The following BEGAIN variants were observed in gnomAD, a reference collection of about 807,000 sequenced individuals.
The protein encoded by BEGAIN is brain enriched guanylate kinase associated.
A neutral mutation model predicts 35.8 loss-of-function variants in BEGAIN; 19 were observed. The observed-to-expected ratio is 0.53, with a 90% CI of 0.37 to 0.78. The LOEUF (loss-of-function observed/expected upper bound fraction) is 0.78. BEGAIN is among the 30% of genes least tolerant of loss of function. The pLI, the probability that BEGAIN is intolerant of heterozygous loss-of-function variation, is 0.00. For synonymous variants in BEGAIN, 462 were observed against 388.6 expected, an observed-to-expected ratio of 1.19 and a Z score of -2.22; for missense variants, 795 against 853.6, an observed-to-expected ratio of 0.93 and a Z score of 0.85.
intron 1 of BEGAIN, chr14:100,569,016 G>T: frequency 1.1e-6 from 1 of 900,964 alleles, no homozygotes; most frequent in Non-Finnish European, 1.3e-6. Flanking sequence ...CCGCCCCGCC[G>T]GGCGAGGGCG....
intron 2 of BEGAIN, among the ~76,000 whole-genome samples, chr14:100,561,702 A>G (rs2034271712): frequency 1.3e-5 from 2 of 150,292 alleles, no homozygotes; most frequent in African/African-American, 4.9e-5. Flanking sequence ...CCTGGCGGAC[A>G]GAGCAAGACT....
At chr14:100,560,130 G>A (rs1180920395) in intron 2 of BEGAIN, among the ~76,000 whole-genome samples, 2 of 152,208 alleles carry the variant, frequency 1.3e-5, no homozygotes, top group Non-Finnish European at 2.9e-5. Context: ...AGCAGTCTCT[G>A]CTCTGCCACA....
chr14:100,538,153 C>A lies in BEGAIN; in HGVS notation c.1655G>T (p.Ser552Ile), dbSNP rs772921659. The A allele has an allele frequency of 5.9e-6, 9 of 1,534,312 alleles. No individual in the cohort carries two copies. The highest frequency in any genetic ancestry group is 7.0e-6 in the Non-Finnish European group (8 of 1,144,086). ...RLGVQLCGTA[S>I]SPEPEQGSRD... ...GGAACCCTGCTCGGGCTCAGGGCTG[C>A]TGGCGGTCCCACACAGCTGCACCCC... The change falls in exon 7 of 7, where the codon AGC becomes ATC. Residue 552 changes from serine (S) to isoleucine (I), a missense_variant. Transcript: ENST00000554140.
intron 1 of BEGAIN, among the ~76,000 whole-genome samples, chr14:100,570,687 A>G (rs111904689): frequency 0.22 from 33,199 of 151,896 alleles, 4,613 homozygotes; most frequent in East Asian, 0.62. Flanking sequence ...GGCTAGGGAG[A>G]AGATAGCAGG....
chr14:100,581,229 G>A (rs940841158), intron 1 of BEGAIN, among the ~76,000 whole-genome samples: 1 of 152,208 alleles, frequency 6.6e-6, no homozygotes, highest in African/African-American at 2.4e-5. Flanking sequence ...CTCTGATGTG[G>A]CCGTTTCACT....
rs2034923445 is a variant in BEGAIN at position 100,568,602 on chromosome 14, C to G, written c.43-663G>C. On this transcript the variant is annotated intron_variant, in intron 1 of 6. Transcript: ENST00000554140. The surrounding 1 kb of genome is among the most constrained non-coding windows in gnomAD (Gnocchi z 7.5). ...GGCGGGGCTCCCTGCCTTGCTTGCG[C>G]AGACCCGCCCGCGCGCGGCTTGGAG... 3 of 1,059,752 alleles carry G rather than the reference C, an allele frequency of 2.8e-6. No individual in the cohort carries two copies. Among genetic ancestry groups the G allele is most frequent in the Admixed American group, 2.8e-5 (1 of 35,582 alleles). 65.6% of individuals were successfully genotyped at this position (1,059,752 alleles called of 1,614,324 possible). A position where few individuals can be genotyped will look rare whatever the true frequency, so the allele number is the denominator to read the frequency against.
rs1259336043 is a variant in BEGAIN at position 100,537,304 on chromosome 14, G to A, written c.*665C>T. 6.5e-6 allele frequency: 1 copy of A among 152,710 alleles called. No individual in the cohort carries two copies. Among genetic ancestry groups the A allele is most frequent in the Non-Finnish European group, 1.5e-5 (1 of 68,096 alleles). The allele number at this position is 152,710 out of a possible 1,614,324, so 9.5% of individuals were successfully genotyped here. A position where few individuals can be genotyped will look rare whatever the true frequency, so the allele number is the denominator to read the frequency against. ...AGACGGTGTCAGGGGGCGGACCCGGGGGCGGAGATGAGCACCGGCCGCACT... is the reference window on the plus strand; with the variant it reads ...AGACGGTGTCAGGGGGCGGACCCGGAGGCGGAGATGAGCACCGGCCGCACT... On this transcript the variant is annotated 3_prime_UTR_variant, in exon 7 of 7. Transcript: ENST00000554140.
At chr14:100,547,682 T>A (rs1263729264) in intron 2 of BEGAIN, 1 of 152,252 alleles carries the variant, frequency 6.6e-6, no homozygotes, top group Admixed American at 6.5e-5. Context: ...TCTTTTGGAT[T>A]GTGTTGCTGT....
At chr14:100,562,309 T>C (rs2139664456) in intron 2 of BEGAIN, among the ~76,000 whole-genome samples, 1 of 152,166 alleles carries the variant, frequency 6.6e-6, no homozygotes, top group South Asian at 2.1e-4. Context: ...ATGCAATTAG[T>C]TCCCCACCCT....
At chr14:100,543,121 T>C (rs1454707534) in intron 5 of BEGAIN, among the ~76,000 whole-genome samples, 1 of 152,162 alleles carries the variant, frequency 6.6e-6, no homozygotes, top group Non-Finnish European at 1.5e-5. Context: ...CTTCACTCCC[T>C]CAGGTCCTGG....
At position 100,537,796 on chromosome 14, in the gene BEGAIN, A is replaced by G; in HGVS notation, c.*173T>C. On this transcript the variant is annotated 3_prime_UTR_variant, in exon 7 of 7. Transcript: ENST00000554140. ...CCGGGTGGACACCGTGGTGTGGGGG[A>G]CCCTCCCCTCAGGCCTACAGGGCTG... 5.0e-6 allele frequency: 5 copies of G among 1,005,102 alleles called. No homozygotes were observed. The highest frequency in any genetic ancestry group is 6.8e-6 in the Non-Finnish European group (5 of 732,870). The allele number at this position is 1,005,102 out of a possible 1,614,324, so 62.3% of individuals were successfully genotyped here.
intron 2 of BEGAIN, among the ~76,000 whole-genome samples, chr14:100,551,789 G>A (rs1273502577): frequency 1.3e-5 from 2 of 152,116 alleles, no homozygotes; most frequent in African/African-American, 4.8e-5. Flanking sequence ...CACTGGCCAC[G>A]AGTCGCACAT....
At position 100,546,593 on chromosome 14, in the gene BEGAIN, G is replaced by A. The variant is rs748064094; in HGVS notation, c.141C>T (p.Leu47=). 1.3e-6 allele frequency: 2 copies of A among 1,592,390 alleles called. No homozygotes were observed. The highest frequency in any genetic ancestry group is 2.3e-5 in the South Asian group (2 of 88,882). The stretch of plus-strand genomic sequence containing the variant: ...GGCGCGTGGAGTCGAACTCGGTCTC[G>A]AGCTTCTCGAGCTTGTGTGTGGTGT... ...LSYTTHKLEK[L]ETEFDSTRHY... The change falls in exon 3 of 7, where the codon CTC becomes CTT. Residue 47 remains leucine (L), a synonymous_variant. Coordinates refer to ENST00000554140, the MANE Select transcript of BEGAIN (RefSeq NM_001385089.1).
rs538519096 is a variant in BEGAIN, at chr14:100,539,236, G to A, written c.572C>T (p.Pro191Leu). Residue 191 changes from proline (P) to leucine (L), a missense_variant, in exon 7 of 7, where the codon CCG becomes CTG. By Grantham distance (98) the Pro-to-Leu change is moderately conservative. This residue lies in a region of BEGAIN where 664 missense variants were observed against 647.7 expected (regional missense o/e 1.03). Transcript: ENST00000554140. ...GGTGGGGACGCTGTCGGCGTAGGCC[G>A]GGTGGCAGAGCGGGGATGGCAGGCT... ...GCSLPSPLCH[P>L]AYADSVPTCV... is the part of the protein sequence containing the mutation. The A allele has an allele frequency of 2.5e-6, 4 of 1,589,024 alleles. No individual in the cohort carries two copies. Among genetic ancestry groups the A allele is most frequent in the South Asian group, 1.2e-5 (1 of 86,918 alleles).
intron 1 of BEGAIN, among the ~76,000 whole-genome samples, chr14:100,579,480 CT>C (rs1289307474): frequency 6.6e-6 from 1 of 152,222 alleles, no homozygotes; most frequent in Non-Finnish European, 1.5e-5. Context: ...CGGCTTTAGG[CT>C]GCTAGACTGA....
At chr14:100,570,436 C>A (rs983729669) in intron 1 of BEGAIN, among the ~76,000 whole-genome samples, 1 of 152,208 alleles carries the variant, frequency 6.6e-6, no homozygotes, top group Admixed American at 6.5e-5. Context: ...TCAAATCCTC[C>A]TCTGACCCAT....
Position 100,537,790 on chromosome 14 carries a change from T to G in BEGAIN, c.*179A>C. 2 of 949,582 alleles carry G rather than the reference T, an allele frequency of 2.1e-6. No individual in the cohort carries two copies. Among genetic ancestry groups the G allele is most frequent in the Non-Finnish European group, 2.9e-6 (2 of 682,210 alleles). The allele number at this position is 949,582 out of a possible 1,614,324, so 58.8% of individuals were successfully genotyped here. On this transcript the variant is annotated 3_prime_UTR_variant, in exon 7 of 7. Transcript: ENST00000554140. ...CCGGGGCCGGGTGGACACCGTGGTG[T>G]GGGGGACCCTCCCCTCAGGCCTACA...
At chr14:100,550,285 C>T in intron 2 of BEGAIN, 3 of 395,868 alleles carry the variant, frequency 7.6e-6, no homozygotes, top group Admixed American at 4.4e-5. Flanking sequence ...TGAGGCTGTG[C>T]CGCCGGCCCA....
rs138729476 is a variant in BEGAIN at position 100,542,139 on chromosome 14, C to A, written c.409-1560G>T. ...TGTCCCGAGCCCATGTCCTCCTGTCCTCCTGTTAGAGCCACACTCCTTAGA... is the reference window on the plus strand; with the variant it reads ...TGTCCCGAGCCCATGTCCTCCTGTCATCCTGTTAGAGCCACACTCCTTAGA... On this transcript the variant is annotated intron_variant, in intron 5 of 6. Transcript: ENST00000554140. Among the ~76,000 whole-genome samples the A allele has an allele frequency of 8.9e-3, 1,361 of 152,124 alleles. 19 individuals carry two copies. Among genetic ancestry groups the A allele is most frequent in the African/African-American group, 0.032 (1,310 of 41,500 alleles).
Sources: gnomAD v4.1 joint callset for allele counts (sites outside exome capture counted in the v4.1 genomes callset) on GRCh38, gnomAD v4.1.1 for gene constraint, gnomAD v4.1.1 regional missense constraint, Gnocchi (gnomAD v3.1) non-coding constraint, MANE v1.5 for transcripts, NCBI Gene and HGNC (gene_info 2026-07-23, HGNC 2026-07-21) for gene names.